SDK1: variants seen among roughly 807,000 people sequenced by gnomAD.
The protein encoded by SDK1 is sidekick cell adhesion molecule 1, also known as protein sidekick-1.
SDK1 carries 157 observed loss-of-function variants against 245.5 expected under a neutral mutation model. The ratio of observed to expected loss-of-function variants is 0.64; its 90% CI spans 0.56 to 0.73. SDK1 has a LOEUF of 0.73. SDK1 is among the 30% of genes least tolerant of loss of function. SDK1 has a pLI of 0.00. For missense variants in SDK1, 3,583 were observed against 3,002.3 expected (o/e 1.19, Z -4.52); for synonymous variants, 1,647 against 1,278.5 (o/e 1.29, Z -6.15).
intron 5 of SDK1, among the ~76,000 whole-genome samples, chr7:3,839,061 T>A (rs1583464915): frequency 6.6e-6 from 1 of 152,152 alleles, no homozygotes; most frequent in African/African-American, 2.4e-5. Context: ...TATTCAGCAG[T>A]GGATGGTTCT....
intron 4 of SDK1, among the ~76,000 whole-genome samples, chr7:3,695,277 T>C (rs535144873): frequency 6.6e-6 from 1 of 152,358 alleles, no homozygotes; most frequent in South Asian, 2.1e-4. Context: ...GGAAATGGAT[T>C]CTGTCATTAT....
chr7:4,114,945 A>C (rs1783603542), intron 25 of SDK1, among the ~76,000 whole-genome samples: 2 of 152,192 alleles, frequency 1.3e-5, no homozygotes. Context: ...GCCAGTTGCC[A>C]GGAAGCAATG....
chr7:3,358,836 C>T (rs569338679), intron 1 of SDK1, among the ~76,000 whole-genome samples: 1 of 152,316 alleles, frequency 6.6e-6, no homozygotes, highest in Admixed American at 6.5e-5. Context: ...ATGTGTTAAA[C>T]ATTTTAACTA....
intron 3 of SDK1, among the ~76,000 whole-genome samples, chr7:3,640,019 C>G (rs1232610622): frequency 6.6e-6 from 1 of 151,956 alleles, no homozygotes; most frequent in African/African-American, 2.4e-5. Flanking sequence ...GCTAATCTGG[C>G]TAATTTCTTT....
chr7:3,763,183 T>G (rs765344923), intron 4 of SDK1, among the ~76,000 whole-genome samples: 2 of 152,158 alleles, frequency 1.3e-5, no homozygotes, highest in African/African-American at 2.4e-5. Context: ...TTTAATAAAT[T>G]TTTTTGTCTT....
chr7:4,151,988 C>A (rs976336102), intron 30 of SDK1, among the ~76,000 whole-genome samples: 1 of 152,138 alleles, frequency 6.6e-6, no homozygotes. Context: ...ATCTGAACAC[C>A]AAACTTTCCA....
intron 1 of SDK1, among the ~76,000 whole-genome samples, chr7:3,590,332 GTGAA>G (rs1780828835): frequency 8.1e-6 from 1 of 122,870 alleles, no homozygotes; most frequent in African/African-American, 3.1e-5. Flanking sequence ...GCTTTGAAGT[GTGAA>G]TGAATAATAC....
chr7:3,823,370 G>A (rs1485987316), intron 5 of SDK1, among the ~76,000 whole-genome samples: 1 of 152,086 alleles, frequency 6.6e-6, no homozygotes, highest in Non-Finnish European at 1.5e-5. Context: ...GTGAAATTCT[G>A]CATCAGAAAC....
chr7:3,672,510 T>G (rs1005364422), intron 4 of SDK1, among the ~76,000 whole-genome samples: 2 of 149,022 alleles, frequency 1.3e-5, no homozygotes, highest in Non-Finnish European at 3.0e-5. Flanking sequence ...TGGAAACCAG[T>G]ACCTAAATAA....
rs113138384 is a variant in SDK1, at chr7:3,780,371, A to G, written c.714-41079A>G. On this transcript the variant is annotated intron_variant, in intron 4 of 44. Transcript: ENST00000404826. ...ACACTAGGAGAAACAGCATGGCCAC[A>G]GTGCCTAGGGTCAGGTAGAAACAAA... 9.5e-3 allele frequency among the ~76,000 whole-genome samples: 1,452 copies of G among 152,352 alleles called. 32 individuals are homozygous for G. Among genetic ancestry groups the G allele is most frequent in the African/African-American group, 0.032 (1,343 of 41,584 alleles).
At chr7:3,585,476 AAGAG>A (rs1157999589) in intron 1 of SDK1, among the ~76,000 whole-genome samples, 1 of 152,226 alleles carries the variant, frequency 6.6e-6, no homozygotes, top group Non-Finnish European at 1.5e-5. Flanking sequence ...TAAGCATGGA[AAGAG>A]AGAGAAGGAG....
chr7:3,546,751 C>T (rs1205646116), intron 1 of SDK1, among the ~76,000 whole-genome samples: 1 of 152,170 alleles, frequency 6.6e-6, no homozygotes, highest in African/African-American at 2.4e-5. Context: ...GCACGGGTAG[C>T]GTCCTGGAAT....
At chr7:3,736,013 T>C (rs1432079388) in intron 4 of SDK1, among the ~76,000 whole-genome samples, 1 of 152,186 alleles carries the variant, frequency 6.6e-6, no homozygotes, top group African/African-American at 2.4e-5. Context: ...TTCAAGTCCT[T>C]TGCCTGTTTT....
chr7:4,220,362 C>T, intron 39 of SDK1, 92 bp downstream of exon 39: 6 of 1,374,170 alleles, frequency 4.4e-6, no homozygotes, highest in East Asian at 2.3e-5. Flanking sequence ...ACATGGTCAA[C>T]AAGGTGATGT....
At chr7:3,443,315 T>C (rs947090551) in intron 1 of SDK1, among the ~76,000 whole-genome samples, 1 of 152,154 alleles carries the variant, frequency 6.6e-6, no homozygotes, top group South Asian at 2.1e-4. Context: ...AGAATAGGAA[T>C]AAGGTAAAAA....
chr7:3,328,046 A>G (rs1239400874), intron 1 of SDK1, among the ~76,000 whole-genome samples: 1 of 152,266 alleles, frequency 6.6e-6, no homozygotes, highest in South Asian at 2.1e-4. Flanking sequence ...GAGCATATTC[A>G]GAATAGAACT....
At chr7:3,632,647 T>C (rs913423919) in intron 2 of SDK1, among the ~76,000 whole-genome samples, 3 of 152,216 alleles carry the variant, frequency 2.0e-5, no homozygotes, top group East Asian at 3.8e-4. Context: ...TTTACAAATA[T>C]TGTGTTCCCT....
chr7:3,805,763 A>C (rs1360121418), intron 4 of SDK1, among the ~76,000 whole-genome samples: 2 of 152,200 alleles, frequency 1.3e-5, no homozygotes, highest in Non-Finnish European at 2.9e-5. Context: ...CAAAACAAGA[A>C]AAACATCATC....
At chr7:3,873,876 C>T (rs1781013460) in intron 5 of SDK1, among the ~76,000 whole-genome samples, 1 of 152,160 alleles carries the variant, frequency 6.6e-6, no homozygotes, top group African/African-American at 2.4e-5. Flanking sequence ...GAGCCTTTAA[C>T]ATATTAGCTA....
Sources: allele counts gnomAD v4.1 joint callset (sites outside exome capture counted in the v4.1 genomes callset), GRCh38; gene constraint gnomAD v4.1.1; transcripts MANE v1.5; gene names NCBI Gene and HGNC (gene_info 2026-07-23, HGNC 2026-07-21).